The following ZNF652 variants were observed in gnomAD, a reference collection of about 807,000 sequenced individuals.
The protein encoded by ZNF652 is zinc finger protein 652.
In ZNF652, 16 loss-of-function variants were observed where a neutral mutation model predicts 45.2. The ratio of observed to expected loss-of-function variants is 0.35; its 90% confidence interval spans 0.24 to 0.54. The LOEUF (loss-of-function observed/expected upper bound fraction) is 0.54. ZNF652 is among the 20% of genes least tolerant of loss of function. ZNF652 has a pLI of 0.91. For synonymous variants in ZNF652, 250 were observed against 260.6 expected (o/e 0.96, Z 0.39); for missense variants, 614 against 765.6 (o/e 0.80, Z 2.34).
intron 2 of ZNF652, among the ~76,000 whole-genome samples, chr17:49,316,471 T>G (rs992605935): frequency 5.9e-5 from 9 of 152,178 alleles, no homozygotes; most frequent in Non-Finnish European, 1.2e-4. Context: ...ACTCCTAACC[T>G]TTAATCAGTA....
chr17:49,353,755 A>G (rs898872431), intron 1 of ZNF652, among the ~76,000 whole-genome samples: 2 of 152,194 alleles, frequency 1.3e-5, no homozygotes, highest in African/African-American at 4.8e-5. Context: ...ATGTGTGGGC[A>G]CGCATGCACT....
chr17:49,357,337 C>T (rs1304504858), intron 1 of ZNF652, among the ~76,000 whole-genome samples: 1 of 151,858 alleles, frequency 6.6e-6, no homozygotes, highest in East Asian at 1.9e-4. Flanking sequence ...TACCATAAAG[C>T]TGCCTTTCTG....
At chr17:49,314,353 G>C (rs1303027856) in intron 2 of ZNF652, among the ~76,000 whole-genome samples, 1 of 151,950 alleles carries the variant, frequency 6.6e-6, no homozygotes, top group Non-Finnish European at 1.5e-5. Flanking sequence ...GCAGAGATGA[G>C]GTTTCACTAT....
intron 2 of ZNF652, 139 bp from the exon 3 acceptor site, chr17:49,312,984 A>G: frequency 1.4e-6 from 1 of 705,132 alleles, no homozygotes. Context: ...CACAGAGCCC[A>G]GATTCCAACA....
intron 1 of ZNF652, among the ~76,000 whole-genome samples, chr17:49,358,358 T>C (rs367952952): frequency 2.3e-4 from 35 of 152,240 alleles, no homozygotes; most frequent in Middle Eastern, 3.4e-3. Context: ...CTGAGAAAAA[T>C]ATCACACCTA....
At chr17:49,331,614 A>T (rs1013361184) in intron 1 of ZNF652, among the ~76,000 whole-genome samples, 1 of 150,852 alleles carries the variant, frequency 6.6e-6, no homozygotes, top group African/African-American at 2.4e-5. Context: ...AATAACTCAG[A>T]TATGTCTTTA....
Position 49,317,097 on chromosome 17 carries a change from G to C in ZNF652, c.629C>G (p.Thr210Arg). ...AATTSPTPRT[T>R]RGRRKSVEPP... ...CTCTACACTCTTCCTACGACCTCTTGTAGTTCTGGGAGTAGGGGAAGTGGT... is the reference window on the plus strand; with the variant it reads ...CTCTACACTCTTCCTACGACCTCTTCTAGTTCTGGGAGTAGGGGAAGTGGT... The change falls in exon 2 of 6, where the codon ACA (threonine) becomes AGA (arginine). Residue 210 changes from threonine to arginine, a missense_variant. Physicochemically the swap from Thr to Arg is moderately conservative, Grantham distance 71. Transcript: ENST00000430262. 8 of 1,614,060 alleles carry C rather than the reference G, an allele frequency of 5.0e-6. No individual in the cohort carries two copies. The highest frequency in any genetic ancestry group is 5.9e-6 in the Non-Finnish European group (7 of 1,180,020).
chr17:49,304,879 T>C (rs1369275042), intron 5 of ZNF652, among the ~76,000 whole-genome samples: 1 of 29,274 alleles, frequency 3.4e-5, no homozygotes, highest in Admixed American at 4.8e-4. Flanking sequence ...TATATATGTG[T>C]ATATATATAT....
At chr17:49,336,248 C>A (rs2070079220) in intron 1 of ZNF652, among the ~76,000 whole-genome samples, 1 of 152,006 alleles carries the variant, frequency 6.6e-6, no homozygotes, top group African/African-American at 2.4e-5. Flanking sequence ...TGGTCTTGAA[C>A]CCCTGACCTC....
At chr17:49,321,421 GCTT>G in intron 1 of ZNF652, among the ~76,000 whole-genome samples, 1 of 107,224 alleles carries the variant, frequency 9.3e-6, no homozygotes, top group South Asian at 3.2e-4. Context: ...CCACCACCAC[GCTT>G]TTTTTTTTTT....
chr17:49,336,855 C>T (rs1014596232), intron 1 of ZNF652, among the ~76,000 whole-genome samples: 4 of 150,140 alleles, frequency 2.7e-5, no homozygotes, highest in Non-Finnish European at 5.9e-5. Flanking sequence ...GTCAGGAGTT[C>T]GAGAACAGCC....
At chr17:49,312,357 G>A (rs1020405982) in intron 3 of ZNF652, among the ~76,000 whole-genome samples, 4 of 151,866 alleles carry the variant, frequency 2.6e-5, no homozygotes, top group African/African-American at 9.7e-5. Context: ...GTAGAGACAG[G>A]GTTTCGCCAC....
At chr17:49,351,882 G>C (rs573509902) in intron 1 of ZNF652, among the ~76,000 whole-genome samples, 1 of 152,224 alleles carries the variant, frequency 6.6e-6, no homozygotes, top group Non-Finnish European at 1.5e-5. Flanking sequence ...AGCTACTCAG[G>C]GGGCTGAGGC....
intron 1 of ZNF652, among the ~76,000 whole-genome samples, chr17:49,319,179 T>C (rs1360784322): frequency 2.0e-5 from 3 of 152,240 alleles, no homozygotes; most frequent in Non-Finnish European, 2.9e-5. Flanking sequence ...TTGAGTCATA[T>C]GAATATTACC....
intron 1 of ZNF652, among the ~76,000 whole-genome samples, chr17:49,356,944 A>G (rs772703903): frequency 1.1e-4 from 16 of 151,760 alleles, no homozygotes; most frequent in Non-Finnish European, 1.6e-4. Context: ...AACTGTATAC[A>G]TGGCCCTAAT....
intron 1 of ZNF652, among the ~76,000 whole-genome samples, chr17:49,340,174 G>T (rs1388336469): frequency 1.3e-5 from 2 of 152,292 alleles, no homozygotes; most frequent in South Asian, 2.1e-4. Flanking sequence ...CAACACTTTA[G>T]GAGGCCGAGG....
Position 49,317,318 on chromosome 17 carries a change from A to T in ZNF652, c.408T>A (p.Gly136=). The T allele has an allele frequency of 6.2e-7, 1 of 1,613,194 alleles. No homozygotes were observed. Among genetic ancestry groups the T allele is most frequent in the Non-Finnish European group, 8.5e-7 (1 of 1,179,998 alleles). ...QTLNVSKGEK[G]VSSQSKETPV... ...GAGTCTCTTTGGACTGAGAAGAGAC[A>T]CCCTTTTCCCCTTTAGATACATTTA... Residue 136 remains glycine (G), a synonymous_variant, in exon 2 of 6, where the codon GGT becomes GGA. Coordinates refer to ENST00000430262, the MANE Select transcript of ZNF652 (RefSeq NM_001145365.3).
At chr17:49,314,605 T>A (rs1444503477) in intron 2 of ZNF652, among the ~76,000 whole-genome samples, 1 of 152,212 alleles carries the variant, frequency 6.6e-6, no homozygotes, top group Non-Finnish European at 1.5e-5. Context: ...GTTCCTTGTA[T>A]CATGAATCAT....
At chr17:49,342,212 A>C (rs974552907) in intron 1 of ZNF652, among the ~76,000 whole-genome samples, 5 of 152,044 alleles carry the variant, frequency 3.3e-5, no homozygotes, top group Admixed American at 2.0e-4. Context: ...AATTTTCTCA[A>C]ATCTAAAGTA....
Sources: gnomAD v4.1 joint callset for allele counts (sites outside exome capture counted in the v4.1 genomes callset) on GRCh38, gnomAD v4.1.1 for gene constraint, MANE v1.5 for transcripts, NCBI Gene and HGNC (gene_info 2026-07-23, HGNC 2026-07-21) for gene names.